SLC8A1: variants seen among roughly 807,000 people sequenced by gnomAD.
SLC8A1 encodes sodium/calcium exchanger 1.
In SLC8A1, 18 loss-of-function variants were observed where a neutral mutation model predicts 68.3. That is an observed-to-expected ratio of 0.26 (90% CI 0.18 to 0.39). SLC8A1 has a LOEUF of 0.39. Ranked by LOEUF, SLC8A1 falls within the 10% of genes least tolerant of loss-of-function variation. The pLI, the probability that SLC8A1 is intolerant of heterozygous loss-of-function variation, is 1.00. For synonymous variants in SLC8A1, 475 were observed against 415.5 expected (o/e 1.14, Z -1.74); for missense variants, 985 against 1,156.7 (o/e 0.85, Z 2.15).
intron 3 of SLC8A1, among the ~76,000 whole-genome samples, chr2:40,177,331 T>G (rs187797905): frequency 9.8e-5 from 15 of 152,342 alleles, no homozygotes; most frequent in African/African-American, 2.4e-4. Context: ...CTAATACTAA[T>G]AGGTATTAAG....
At chr2:40,339,989 T>G (rs979634218) in intron 2 of SLC8A1, among the ~76,000 whole-genome samples, 1 of 152,232 alleles carries the variant, frequency 6.6e-6, no homozygotes, top group Admixed American at 6.5e-5. Flanking sequence ...GAGCTTTTAA[T>G]GTGTACTGTG....
intron 1 of SLC8A1, among the ~76,000 whole-genome samples, chr2:40,509,267 T>A (rs1461254357): frequency 6.6e-6 from 1 of 152,070 alleles, no homozygotes; most frequent in African/African-American, 2.4e-5. Context: ...CTTCCAATGA[T>A]TGAAGGTGGA....
intron 1 of SLC8A1, among the ~76,000 whole-genome samples, chr2:40,489,171 G>A (rs1482687495): frequency 6.6e-6 from 1 of 152,064 alleles, no homozygotes; most frequent in East Asian, 1.9e-4. Flanking sequence ...TACAGAACAA[G>A]AGAAACCTGC....
At chr2:40,390,509 T>C (rs924439076) in intron 2 of SLC8A1, among the ~76,000 whole-genome samples, 3 of 152,126 alleles carry the variant, frequency 2.0e-5, no homozygotes, top group African/African-American at 7.2e-5. Flanking sequence ...TTTACTAGAA[T>C]GTCAATTCTT....
chr2:40,385,527 G>C (rs893007985), intron 2 of SLC8A1, among the ~76,000 whole-genome samples: 3 of 151,050 alleles, frequency 2.0e-5, no homozygotes, highest in Non-Finnish European at 1.5e-5. Context: ...ACGGGATAAT[G>C]ATAATAATAA....
chr2:40,390,648 A>C (rs1214743732), intron 2 of SLC8A1, among the ~76,000 whole-genome samples: 1 of 152,078 alleles, frequency 6.6e-6, no homozygotes, highest in African/African-American at 2.4e-5. Context: ...CTATAGACAG[A>C]TCATGCTGTT....
chr2:40,468,582 A>G (rs913193093), intron 1 of SLC8A1, among the ~76,000 whole-genome samples: 4 of 152,180 alleles, frequency 2.6e-5, no homozygotes, highest in Non-Finnish European at 4.4e-5. Context: ...CCCAGTGTGC[A>G]TAAATCTTAA....
chr2:40,343,005 C>A (rs1035203155), intron 2 of SLC8A1, among the ~76,000 whole-genome samples: 1 of 151,796 alleles, frequency 6.6e-6, no homozygotes, highest in Admixed American at 6.6e-5. Flanking sequence ...GTTGCATAAG[C>A]TTAAACTTAA....
chr2:40,221,585 T>C (rs1158137834), intron 2 of SLC8A1, among the ~76,000 whole-genome samples: 1 of 152,202 alleles, frequency 6.6e-6, no homozygotes, highest in Non-Finnish European at 1.5e-5. Context: ...AGAGAGGAAG[T>C]CAATTTGTCT....
intron 2 of SLC8A1, among the ~76,000 whole-genome samples, chr2:40,335,661 C>T (rs947414417): frequency 6.6e-6 from 1 of 152,190 alleles, no homozygotes; most frequent in Admixed American, 6.5e-5. Context: ...GGGTGTTTTC[C>T]ATGGCCCACA....
At chr2:40,228,705 T>C (rs1049069573) in intron 2 of SLC8A1, among the ~76,000 whole-genome samples, 3 of 152,262 alleles carry the variant, frequency 2.0e-5, no homozygotes, top group African/African-American at 4.8e-5. Flanking sequence ...CTGCCATCTA[T>C]GTTGAACGCA....
chr2:40,237,082 C>G (rs1326968742), intron 2 of SLC8A1, among the ~76,000 whole-genome samples: 5 of 151,460 alleles, frequency 3.3e-5, no homozygotes, highest in African/African-American at 1.2e-4. Flanking sequence ...AATTATGTGT[C>G]TTGGAGTTGC....
chr2:40,360,717 G>C (rs1011371375), intron 2 of SLC8A1, among the ~76,000 whole-genome samples: 4 of 152,096 alleles, frequency 2.6e-5, no homozygotes, highest in East Asian at 1.9e-4. Flanking sequence ...CCTAATTTTA[G>C]AATCTGCATC....
chr2:40,417,077 A>G (rs1359784621), intron 2 of SLC8A1, among the ~76,000 whole-genome samples: 1 of 152,074 alleles, frequency 6.6e-6, no homozygotes, highest in Non-Finnish European at 1.5e-5. Context: ...TTGATATTTG[A>G]TTGCTTTTTG....
At chr2:40,295,721 T>C (rs1181225498) in intron 2 of SLC8A1, among the ~76,000 whole-genome samples, 1 of 152,174 alleles carries the variant, frequency 6.6e-6, no homozygotes, top group African/African-American at 2.4e-5. Flanking sequence ...ATAGTGATAA[T>C]GTGATTGAAA....
chr2:40,103,742 A>G (rs551392628), exon 8 of SLC8A1: 14 of 152,260 alleles, frequency 9.2e-5, no homozygotes, highest in African/African-American at 2.6e-4. Context: ...GAAAAGGGAG[A>G]AATTACTCAT....
intron 2 of SLC8A1, among the ~76,000 whole-genome samples, chr2:40,358,103 T>C (rs1194328290): frequency 6.7e-6 from 1 of 148,992 alleles, no homozygotes; most frequent in Non-Finnish European, 1.5e-5. Context: ...CTAGCCCTCA[T>C]TCCTGTTATG....
chr2:40,356,718 T>G (rs1004266650), intron 2 of SLC8A1, among the ~76,000 whole-genome samples: 1 of 152,184 alleles, frequency 6.6e-6, no homozygotes, highest in Non-Finnish European at 1.5e-5. Flanking sequence ...AAAACACAGC[T>G]AAGGGAGACA....
intron 2 of SLC8A1, among the ~76,000 whole-genome samples, chr2:40,398,500 G>C (rs1687695846): frequency 6.6e-6 from 1 of 152,070 alleles, no homozygotes; most frequent in Non-Finnish European, 1.5e-5. Context: ...TGGATAAACA[G>C]AAAGAAGAAA....
Sources: allele counts gnomAD v4.1 joint callset (sites outside exome capture counted in the v4.1 genomes callset), GRCh38; gene constraint gnomAD v4.1.1; transcripts MANE v1.5; gene names NCBI Gene and HGNC (gene_info 2026-07-23, HGNC 2026-07-21).